The following STRBP variants were observed in gnomAD, a reference collection of about 807,000 sequenced individuals.
STRBP encodes the protein spermatid perinuclear RNA-binding protein.
STRBP carries 13 observed loss-of-function variants against 80.1 expected under a neutral mutation model. The observed-to-expected ratio is 0.16, with a 90% CI of 0.11 to 0.26. STRBP has a LOEUF of 0.26. STRBP is among the 10% of genes least tolerant of loss of function. The pLI, the probability that STRBP is intolerant of heterozygous loss-of-function variation, is 1.00. For missense variants in STRBP, 485 were observed against 815.2 expected (o/e 0.59, Z 4.93); for synonymous variants, 284 against 291.2 (o/e 0.98, Z 0.25).
intron 2 of STRBP, among the ~76,000 whole-genome samples, chr9:123,236,429 G>A (rs2040564642): frequency 1.3e-5 from 2 of 152,048 alleles, no homozygotes; most frequent in Admixed American, 6.5e-5. Context: ...TACATAAACT[G>A]ACATATCTAA....
At chr9:123,199,455 G>A (rs1184738263) in intron 2 of STRBP, among the ~76,000 whole-genome samples, 1 of 152,152 alleles carries the variant, frequency 6.6e-6, no homozygotes, top group African/African-American at 2.4e-5. Context: ...CATTGAATCT[G>A]TAGATTGCTT....
intron 1 of STRBP, among the ~76,000 whole-genome samples, chr9:123,258,539 C>G (rs530223115): frequency 6.6e-6 from 1 of 152,126 alleles, no homozygotes; most frequent in Non-Finnish European, 1.5e-5. Flanking sequence ...CGTGGTGGCT[C>G]ACGCCTGTAA....
rs1244862806 is a variant in STRBP at position 123,114,977 on chromosome 9, C to T, written c.*84+952G>A. The stretch of plus-strand genomic sequence containing the variant: ...GCCTCGCCTGGCCAATGGCAACAGC[C>T]TCTTGCTCATCAGCCTTGCCTCCTG... On this transcript the variant is annotated intron_variant and NMD_transcript_variant, in intron 3 of 3. Coordinates refer to the STRBP transcript ENST00000471564. The T allele has an allele frequency of 8.5e-6, 3 of 354,776 alleles. No homozygotes were observed. In the East Asian group the frequency reaches 2.3e-4, roughly 28 times the overall value. The allele number at this position is 354,776 out of a possible 1,614,324, so 22.0% of individuals were successfully genotyped here. A position where few individuals can be genotyped will look rare whatever the true frequency, so the allele number is the denominator to read the frequency against.
At chr9:123,220,849 G>C (rs1045416561) in intron 2 of STRBP, among the ~76,000 whole-genome samples, 1 of 152,130 alleles carries the variant, frequency 6.6e-6, no homozygotes, top group African/African-American at 2.4e-5. Flanking sequence ...ACTTAGCAGG[G>C]TTAAGTGACT....
chr9:123,176,485 A>G (rs1429805405), intron 4 of STRBP, among the ~76,000 whole-genome samples: 4 of 152,232 alleles, frequency 2.6e-5, no homozygotes, highest in Admixed American at 6.5e-5. Context: ...AATGATTCTG[A>G]GTCACTCTTT....
At chr9:123,155,779 A>G (rs1274361375) in intron 11 of STRBP, among the ~76,000 whole-genome samples, 1 of 152,198 alleles carries the variant, frequency 6.6e-6, no homozygotes, top group Non-Finnish European at 1.5e-5. Context: ...TATTTGTGAG[A>G]GAAGAAGTCA....
chr9:123,153,253 T>C (rs2037139821), intron 11 of STRBP, among the ~76,000 whole-genome samples: 1 of 151,380 alleles, frequency 6.6e-6, no homozygotes, highest in Non-Finnish European at 1.5e-5. Flanking sequence ...TGCAGTGGCA[T>C]GATCTGGGCT....
intron 1 of STRBP, among the ~76,000 whole-genome samples, chr9:123,260,040 C>G (rs12686681): frequency 6.6e-6 from 1 of 152,046 alleles, no homozygotes; most frequent in Non-Finnish European, 1.5e-5. Context: ...GAAACTTTTT[C>G]AAGAAGTTTT....
Position 123,126,502 on chromosome 9 carries a change from TG to T in STRBP, c.1943-830del, listed in dbSNP as rs1161192662. Among the ~76,000 whole-genome samples the T allele has an allele frequency of 7.9e-5, 12 of 151,962 alleles. No homozygotes were observed. The highest frequency in any genetic ancestry group is 1.2e-4 in the Non-Finnish European group (8 of 68,000). On this transcript the variant is annotated intron_variant, in intron 18 of 18. Coordinates refer to ENST00000348403, the MANE Select transcript of STRBP (RefSeq NM_018387.5). This position sits in a 1 kb window ranked among gnomAD's most constrained non-coding sequence, Gnocchi z 4.4. Reference sequence around the variant, plus strand: ...CTTTGGAAGTCAGTTATATGGCACGTGGAAGAGAGGAGCTTTCTGATGTGGG... The same window carrying T: ...CTTTGGAAGTCAGTTATATGGCACGTGAAGAGAGGAGCTTTCTGATGTGGG...
chr9:123,163,915 C>T (rs1484307498), intron 6 of STRBP, among the ~76,000 whole-genome samples: 3 of 152,162 alleles, frequency 2.0e-5, no homozygotes, highest in Admixed American at 2.0e-4. Flanking sequence ...AACAATAGAA[C>T]TGTGAGCCAT....
chr9:123,164,404 G>A (rs1278842083), intron 6 of STRBP, among the ~76,000 whole-genome samples: 2 of 152,094 alleles, frequency 1.3e-5, no homozygotes, highest in Admixed American at 6.5e-5. Context: ...GGGCATGAAG[G>A]TACATACAAC....
At chr9:123,163,259 C>G (rs1424651958) in intron 6 of STRBP, among the ~76,000 whole-genome samples, 3 of 152,200 alleles carry the variant, frequency 2.0e-5, no homozygotes, top group Non-Finnish European at 4.4e-5. Context: ...TAATTAGCAT[C>G]TTACTCTGAT....
intron 13 of STRBP, among the ~76,000 whole-genome samples, chr9:123,142,020 T>TGC (rs1310416706): frequency 2.0e-5 from 3 of 152,220 alleles, no homozygotes; most frequent in African/African-American, 2.4e-5. Flanking sequence ...GCAAGAATCC[T>TGC]GCTAAATTGG....
At chr9:123,258,404 T>A (rs760774832) in intron 1 of STRBP, among the ~76,000 whole-genome samples, 4 of 151,942 alleles carry the variant, frequency 2.6e-5, no homozygotes, top group Non-Finnish European at 5.9e-5. Flanking sequence ...TCACTGAAAA[T>A]GAGAGACAAG....
intron 13 of STRBP, among the ~76,000 whole-genome samples, chr9:123,144,300 G>C (rs908669089): frequency 6.6e-6 from 1 of 151,754 alleles, no homozygotes; most frequent in African/African-American, 2.4e-5. Context: ...TGAAACCCTT[G>C]GTGCCAGGTT....
intron 4 of STRBP, among the ~76,000 whole-genome samples, chr9:123,177,760 T>C (rs1199256146): frequency 6.6e-6 from 1 of 152,136 alleles, no homozygotes; most frequent in East Asian, 1.9e-4. Context: ...AAATGTATAC[T>C]TACAATTAGT....
intron 17 of STRBP, among the ~76,000 whole-genome samples, chr9:123,129,396 T>C (rs1052477331): frequency 5.3e-5 from 8 of 152,118 alleles, no homozygotes; most frequent in Non-Finnish European, 7.4e-5. Context: ...CATTTATAAA[T>C]GAAAAAAATT....
At chr9:123,177,445 C>T (rs944448100) in intron 4 of STRBP, among the ~76,000 whole-genome samples, 4 of 152,058 alleles carry the variant, frequency 2.6e-5, no homozygotes, top group Non-Finnish European at 5.9e-5. Flanking sequence ...TGATGGCACA[C>T]ACTTATAGTC....
downstream of STRBP, among the ~76,000 whole-genome samples, chr9:123,120,022 A>C (rs1244582746): frequency 6.6e-6 from 1 of 152,226 alleles, no homozygotes; most frequent in Admixed American, 6.5e-5. Context: ...TATTCTTACA[A>C]CCAACTCAAC....
Sources: allele counts gnomAD v4.1 joint callset (sites outside exome capture counted in the v4.1 genomes callset), GRCh38; gene constraint gnomAD v4.1.1; non-coding constraint Gnocchi (gnomAD v3.1); transcripts MANE v1.5; gene names NCBI Gene and HGNC (gene_info 2026-07-23, HGNC 2026-07-21).